Variants in SLC30A6 observed in about 807,000 individuals in gnomAD.
SLC30A6 encodes solute carrier family 30 member 6, also known as zinc transporter 6.
In SLC30A6, 55 loss-of-function variants were observed where a neutral mutation model predicts 63.0. The observed-to-expected ratio is 0.87, with a 90% confidence interval of 0.70 to 1.09. SLC30A6 has a LOEUF of 1.09. Ranked by LOEUF, SLC30A6 falls within the 50% of genes least tolerant of loss-of-function variation. The pLI, the probability that SLC30A6 is intolerant of heterozygous loss-of-function variation, is 0.00. For synonymous variants in SLC30A6, 224 were observed against 186.1 expected (o/e 1.20, Z -1.66); for missense variants, 587 against 549.2 (o/e 1.07, Z -0.69).
intron 5 of SLC30A6, among the ~76,000 whole-genome samples, chr2:32,186,185 C>T (rs751193666): frequency 3.9e-5 from 6 of 152,132 alleles, no homozygotes; most frequent in Non-Finnish European, 7.3e-5. Context: ...CAGGTGTGCA[C>T]CACCACACCC....
chr2:32,184,235 C>A, intron 4 of SLC30A6, 38 bp from the exon 5 acceptor site: 1 of 1,221,722 alleles, frequency 8.2e-7, no homozygotes, highest in Non-Finnish European at 1.1e-6. Context: ...ATGTTCTCTT[C>A]TAGTTCTAAT....
chr2:32,203,839 G>A (rs1427247729), intron 10 of SLC30A6: 2 of 1,391,564 alleles, frequency 1.4e-6, no homozygotes, highest in Admixed American at 1.7e-5. Context: ...ACAGAGGAGT[G>A]GTTGGTCAAG....
chr2:32,172,652 G>A (rs766995302), intron 2 of SLC30A6, among the ~76,000 whole-genome samples: 1 of 152,108 alleles, frequency 6.6e-6, no homozygotes, highest in Non-Finnish European at 1.5e-5. Flanking sequence ...TGTAACCTGA[G>A]AGAAACAAAA....
Position 32,206,830 on chromosome 2 carries a change from G to C in SLC30A6, c.769-56G>C, listed in dbSNP as rs369635825. ...TTTGGGGAGGGGGTTCAGGACCATT[G>C]TTGGCAAACTTTTTTCCTTCCCCCA... On this transcript the variant is annotated intron_variant, in intron 11 of 13. Transcript: ENST00000282587. The C allele has an allele frequency of 1.6e-5, 23 of 1,428,164 alleles. No homozygotes were observed. In the African/African-American group the frequency reaches 2.9e-4, roughly 18 times the overall value. 88.5% of individuals were successfully genotyped at this position (1,428,164 alleles called of 1,614,324 possible). A position where few individuals can be genotyped will look rare whatever the true frequency, so the allele number is the denominator to read the frequency against.
intron 4 of SLC30A6, 58 bp downstream of exon 4, chr2:32,175,419 G>A: frequency 6.9e-7 from 1 of 1,455,956 alleles, no homozygotes; most frequent in Non-Finnish European, 9.5e-7. Flanking sequence ...GTAGAAATGT[G>A]GTATAGCCAT....
Position 32,182,671 on chromosome 2 carries a change from C to T in SLC30A6, c.219-1602C>T, listed in dbSNP as rs142411449. On this transcript the variant is annotated intron_variant, in intron 4 of 13. Coordinates refer to ENST00000282587, the MANE Select transcript of SLC30A6 (RefSeq NM_017964.5). Reference sequence around the variant, plus strand: ...TCTTCCTGTAGGTCAGCGTTCCCTACTCGCAAATCCAGGGATAGAAATACA... The same window carrying T: ...TCTTCCTGTAGGTCAGCGTTCCCTATTCGCAAATCCAGGGATAGAAATACA... 1.3e-4 allele frequency among the ~76,000 whole-genome samples: 20 copies of T among 152,298 alleles called. No homozygotes were observed. In the East Asian group the frequency reaches 3.3e-3, roughly 25 times the overall value.
intron 10 of SLC30A6, chr2:32,204,011 T>TCAAATAGTATGAGA: frequency 1.5e-6 from 1 of 686,542 alleles, no homozygotes; most frequent in Non-Finnish European, 2.6e-6. Context: ...TATTTGATAG[T>TCAAATAGTATGAGA]TAATCTACCA....
intron 8 of SLC30A6, among the ~76,000 whole-genome samples, chr2:32,196,614 C>T (rs989718719): frequency 1.3e-5 from 2 of 152,110 alleles, no homozygotes; most frequent in Admixed American, 6.5e-5. Flanking sequence ...CATCCCAAAC[C>T]TGAAAATTTA....
In SLC30A6 at chr2:32,197,381, T is replaced by A; in HGVS notation, c.534T>A (p.Asp178Glu). Reference sequence around the variant, plus strand: ...GCTGGCTTCAAGAGCATGTTGCAGATCTTAGTCGAAGGTAAGATGTTATGG... The same window carrying A: ...GCTGGCTTCAAGAGCATGTTGCAGAACTTAGTCGAAGGTAAGATGTTATGG... ...STSWLQEHVA[D>E]LSRSLCGIIP... is the part of the protein sequence containing the mutation. The change falls in exon 9 of 14, where the codon GAT becomes GAA. Residue 178 changes from aspartate (D) to glutamate (E), a missense_variant. Physicochemically the swap from Asp to Glu is conservative, Grantham distance 45. Coordinates refer to ENST00000282587, the MANE Select transcript of SLC30A6 (RefSeq NM_017964.5). 6.2e-7 allele frequency: 1 copy of A among 1,613,678 alleles called. No homozygotes were observed. Among genetic ancestry groups the A allele is most frequent in the South Asian group, 1.1e-5 (1 of 91,024 alleles).
At chr2:32,194,092 CA>C in intron 8 of SLC30A6, 109 bp downstream of exon 8, 1 of 782,064 alleles carries the variant, frequency 1.3e-6, no homozygotes, top group Non-Finnish European at 2.0e-6. Flanking sequence ...ATTCTGAAGA[CA>C]AGAGAGAACT....
At chr2:32,196,320 C>CAA (rs946510943) in intron 8 of SLC30A6, among the ~76,000 whole-genome samples, 1 of 143,064 alleles carries the variant, frequency 7.0e-6, no homozygotes, top group East Asian at 2.0e-4. Flanking sequence ...CATCTCAAAA[C>CAA]AAAAAAAAAA....
At chr2:32,219,177 G>A (rs757006693) in intron 13 of SLC30A6, among the ~76,000 whole-genome samples, 8 of 151,806 alleles carry the variant, frequency 5.3e-5, no homozygotes, top group Non-Finnish European at 1.2e-4. Context: ...GGGATTATAG[G>A]CACATGTCAC....
chr2:32,169,717 C>T (rs563717662), intron 1 of SLC30A6, among the ~76,000 whole-genome samples: 11 of 152,234 alleles, frequency 7.2e-5, no homozygotes, highest in South Asian at 2.1e-4. Context: ...TCCTGTTTGC[C>T]GTGTAGCCTA....
chr2:32,222,907 G>A lies in SLC30A6; in HGVS notation c.*2194G>A, dbSNP rs1431566113. On this transcript the variant is annotated 3_prime_UTR_variant, in exon 14 of 14. Coordinates refer to ENST00000282587, the MANE Select transcript of SLC30A6 (RefSeq NM_017964.5). ...TTCCCCATCCCCATAGGATTTTAAAGTGTTCAGGTACCAAACACAGTTCTG... is the reference window on the plus strand; with the variant it reads ...TTCCCCATCCCCATAGGATTTTAAAATGTTCAGGTACCAAACACAGTTCTG... The A allele has an allele frequency of 6.6e-6, 1 of 152,314 alleles. No homozygotes were observed. The highest frequency in any genetic ancestry group is 6.5e-5 in the Admixed American group (1 of 15,274). The allele number at this position is 152,314 out of a possible 1,614,324, so 9.4% of individuals were successfully genotyped here.
At chr2:32,202,740 ACTG>A in intron 10 of SLC30A6, 2 of 700,180 alleles carry the variant, frequency 2.9e-6, no homozygotes, top group Non-Finnish European at 5.2e-6. Flanking sequence ...ATTCTACAAA[ACTG>A]ATTCTGAAGA....
At chr2:32,210,691 A>G (rs1685190852) in intron 13 of SLC30A6, among the ~76,000 whole-genome samples, 1 of 152,094 alleles carries the variant, frequency 6.6e-6, no homozygotes. Flanking sequence ...CAAATTTTAT[A>G]GATAAACAGA....
At chr2:32,177,369 G>T in intron 4 of SLC30A6, 1 of 169,482 alleles carries the variant, frequency 5.9e-6, no homozygotes, top group Non-Finnish European at 1.3e-5. Context: ...AGGCTGGAGT[G>T]CAGTGGCGTG....
At chr2:32,200,239 A>G (rs1219596582) in intron 10 of SLC30A6, among the ~76,000 whole-genome samples, 2 of 152,062 alleles carry the variant, frequency 1.3e-5, no homozygotes, top group Admixed American at 6.5e-5. Flanking sequence ...CTGGTCTTCT[A>G]GTTTTCATTC....
intron 10 of SLC30A6, chr2:32,201,960 T>C (rs1684328352): frequency 1.4e-6 from 2 of 1,431,036 alleles, no homozygotes; most frequent in South Asian, 2.4e-5. Flanking sequence ...GACTTTCAGA[T>C]GAATTCTCTA....
Sources: allele counts gnomAD v4.1 joint callset (sites outside exome capture counted in the v4.1 genomes callset), GRCh38; gene constraint gnomAD v4.1.1; transcripts MANE v1.5; gene names NCBI Gene and HGNC (gene_info 2026-07-23, HGNC 2026-07-21).